HS6ST2: variants seen among roughly 807,000 people sequenced by gnomAD.
The protein encoded by HS6ST2 is heparan-sulfate 6-O-sulfotransferase 2.
A neutral mutation model predicts 33.0 loss-of-function variants in HS6ST2; 17 were observed. That is an observed-to-expected ratio of 0.52 (90% CI 0.35 to 0.77). The LOEUF (loss-of-function observed/expected upper bound fraction) is 0.77, where lower values mean the gene tolerates loss of function less well. Among genes scored for constraint, HS6ST2 ranks in the 30% least tolerant of loss-of-function variants. HS6ST2 has a pLI of 0.01. For synonymous variants in HS6ST2, 248 were observed against 237.1 expected (o/e 1.05, Z -0.42); for missense variants, 519 against 551.7 (o/e 0.94, Z 0.59).
chrX:132,728,407 T>A (rs1227409081), intron 2 of HS6ST2, among the ~76,000 whole-genome samples: 1 of 111,937 alleles, frequency 8.9e-6, no homozygotes, highest in Non-Finnish European at 1.9e-5. Flanking sequence ...ATGCCTAGGC[T>A]GGTGGGAGAA....
chrX:132,803,714 A>G (rs1339945631), intron 2 of HS6ST2, among the ~76,000 whole-genome samples: 1 of 111,999 alleles, frequency 8.9e-6, no homozygotes, highest in Non-Finnish European at 1.9e-5. Context: ...AGGTCCTCAG[A>G]TGCATTTTAG....
At chrX:132,867,333 C>G (rs7066057) in intron 2 of HS6ST2, among the ~76,000 whole-genome samples, 48,457 of 100,285 alleles carry the variant, frequency 0.48, 10,438 homozygotes, top group African/African-American at 0.66. Context: ...ATGAAGCCCA[C>G]TTGATCATGG....
intron 2 of HS6ST2, among the ~76,000 whole-genome samples, chrX:132,839,262 T>C (rs2065679173): frequency 1.1e-5 from 1 of 88,978 alleles, no homozygotes; most frequent in African/African-American, 4.0e-5. Flanking sequence ...ATACAGAAAA[T>C]GTAGTGTGTG....
intron 2 of HS6ST2, among the ~76,000 whole-genome samples, chrX:132,929,710 T>C (rs763645532): frequency 1.8e-5 from 2 of 111,037 alleles, no homozygotes; most frequent in African/African-American, 3.3e-5. Flanking sequence ...ATGCAAAATA[T>C]ATAAAGTGAA....
intron 2 of HS6ST2, among the ~76,000 whole-genome samples, chrX:132,775,275 A>T (rs985379202): frequency 9.0e-6 from 1 of 110,674 alleles, no homozygotes; most frequent in Non-Finnish European, 1.9e-5. Flanking sequence ...TATAAATTCA[A>T]CCTCCTCCAG....
chrX:132,701,519 A>G (rs763123941), intron 3 of HS6ST2, among the ~76,000 whole-genome samples: 2 of 112,318 alleles, frequency 1.8e-5, no homozygotes, highest in Middle Eastern at 4.6e-3. Context: ...GTAAGTGACG[A>G]CACAGAAGTT....
rs146171281 is a variant in HS6ST2, at chrX:132,931,720, A to G, written c.947+25088T>C. Among the ~76,000 whole-genome samples, 129 of 111,423 alleles carry G rather than the reference A, an allele frequency of 1.2e-3. 2 individuals are homozygous for G. In the East Asian group the frequency reaches 0.033, roughly 28 times the overall value. ...TTATTATAGCATAAGGGAAAGTAAA[A>G]CCCTAAAGGTCCTCTGAGAAAAAAA... On this transcript the variant is annotated intron_variant, in intron 2 of 4. Coordinates refer to ENST00000370833, the MANE Select transcript of HS6ST2 (RefSeq NM_001394073.1).
intron 2 of HS6ST2, among the ~76,000 whole-genome samples, chrX:132,942,144 C>T (rs1206442370): frequency 9.0e-6 from 1 of 111,418 alleles, no homozygotes; most frequent in Admixed American, 9.6e-5. Context: ...TACTGTGCCA[C>T]TTTCAGAAAA....
At chrX:132,662,639 T>C (rs989831233) in intron 4 of HS6ST2, among the ~76,000 whole-genome samples, 1 of 112,133 alleles carries the variant, frequency 8.9e-6, no homozygotes, top group African/African-American at 3.2e-5. Flanking sequence ...ATGACCAGCA[T>C]GGAAAGTCAT....
chrX:132,876,940 A>G (rs184223686), intron 2 of HS6ST2, among the ~76,000 whole-genome samples: 98 of 112,597 alleles, frequency 8.7e-4, no homozygotes, highest in African/African-American at 3.0e-3. Flanking sequence ...TTTCCTCTAC[A>G]TCAAGGACAT....
chrX:132,712,111 CT>C (rs1244535470), intron 2 of HS6ST2, among the ~76,000 whole-genome samples: 1 of 112,105 alleles, frequency 8.9e-6, no homozygotes, highest in African/African-American at 3.2e-5. Context: ...TGTTCCAGAG[CT>C]GCCAAGCAAA....
intron 4 of HS6ST2, among the ~76,000 whole-genome samples, chrX:132,662,632 A>T (rs183493617): frequency 1.8e-5 from 2 of 112,252 alleles, no homozygotes; most frequent in East Asian, 5.7e-4. Flanking sequence ...TAGAAGCATG[A>T]CCAGCATGGA....
intron 2 of HS6ST2, among the ~76,000 whole-genome samples, chrX:132,726,525 C>T (rs1328879884): frequency 8.9e-6 from 1 of 111,912 alleles, no homozygotes; most frequent in Non-Finnish European, 1.9e-5. Flanking sequence ...AACTCACATA[C>T]CATGCAATTC....
rs1312092389 is a variant in HS6ST2, at chrX:132,815,268, A to G, written c.948-106774T>C. Among the ~76,000 whole-genome samples, 4 of 112,716 alleles carry G rather than the reference A, an allele frequency of 3.5e-5. No individual in the cohort carries two copies. The East Asian group carries it at 1.1e-3, about 31-fold the overall frequency. On this transcript the variant is annotated intron_variant, in intron 2 of 4. Transcript: ENST00000370833. ...TATTTAATAACTAGGTAATGAAATAATAATAACAATCATTTTATGTATCGA... is the reference window on the plus strand; with the variant it reads ...TATTTAATAACTAGGTAATGAAATAGTAATAACAATCATTTTATGTATCGA...
chrX:132,901,056 T>G (rs2066422081), intron 2 of HS6ST2, among the ~76,000 whole-genome samples: 1 of 112,189 alleles, frequency 8.9e-6, no homozygotes, highest in Admixed American at 9.5e-5. Flanking sequence ...CAGTCAGTGA[T>G]GAACTGAGGC....
At chrX:132,947,259 GATGTAT>G (rs770618322) in intron 2 of HS6ST2, among the ~76,000 whole-genome samples, 1 of 109,223 alleles carries the variant, frequency 9.2e-6, no homozygotes, top group East Asian at 2.9e-4. Flanking sequence ...GTGTATTTTA[GATGTAT>G]ATGTATATGT....
intron 4 of HS6ST2, among the ~76,000 whole-genome samples, chrX:132,656,399 C>T (rs1283546640): frequency 9.0e-6 from 1 of 111,383 alleles, no homozygotes; most frequent in African/African-American, 3.3e-5. Context: ...TGGGTCTACA[C>T]TGGTAGTTAT....
intron 2 of HS6ST2, among the ~76,000 whole-genome samples, chrX:132,918,201 GTTTGT>G (rs762587329): frequency 8.9e-6 from 1 of 112,605 alleles, no homozygotes; most frequent in African/African-American, 3.2e-5. Flanking sequence ...TTGGAATCAG[GTTTGT>G]TTTAACAGAG....
chrX:132,726,031 T>C (rs1374033812), intron 2 of HS6ST2, among the ~76,000 whole-genome samples: 1 of 105,235 alleles, frequency 9.5e-6, no homozygotes, highest in Non-Finnish European at 2.0e-5. Flanking sequence ...TGGAGGGGGG[T>C]AGGGGGAAGG....
Sources: allele counts gnomAD v4.1 joint callset (sites outside exome capture counted in the v4.1 genomes callset), GRCh38; gene constraint gnomAD v4.1.1; transcripts MANE v1.5; gene names NCBI Gene and HGNC (gene_info 2026-07-23, HGNC 2026-07-21).